Variants in SEMA3A observed in about 807,000 individuals in gnomAD.
The protein encoded by SEMA3A is semaphorin-3A.
Under a neutral mutation model 97.9 loss-of-function variants are expected in SEMA3A, and 29 were observed. That is an observed-to-expected ratio of 0.30 (90% CI 0.22 to 0.40). The LOEUF (loss-of-function observed/expected upper bound fraction) is 0.40. Ranked by LOEUF, SEMA3A falls within the 10% of genes least tolerant of loss-of-function variation. The pLI is 1.00. For synonymous variants in SEMA3A, 321 were observed against 323.7 expected (o/e 0.99, Z 0.09); for missense variants, 763 against 951.3 (o/e 0.80, Z 2.60).
chr7:83,981,528 C>A, intron 13 of SEMA3A, 50 bp from the exon 14 acceptor site: 1 of 1,397,228 alleles, frequency 7.2e-7, no homozygotes, highest in Non-Finnish European at 9.6e-7. Flanking sequence ...TCTTTTAAAT[C>A]TCTTGTTCTC....
At chr7:84,166,097 A>C (rs1797196674) in intron 1 of SEMA3A, among the ~76,000 whole-genome samples, 1 of 151,710 alleles carries the variant, frequency 6.6e-6, no homozygotes, top group African/African-American at 2.4e-5. Context: ...ACATACAGAG[A>C]CACTCTCTCT....
chr7:84,186,361 T>C (rs1797884721), intron 1 of SEMA3A, among the ~76,000 whole-genome samples: 1 of 152,178 alleles, frequency 6.6e-6, no homozygotes, highest in Non-Finnish European at 1.5e-5. Context: ...AGAACGCAAG[T>C]AAGAAATAGT....
intron 2 of SEMA3A, among the ~76,000 whole-genome samples, chr7:84,368,673 T>A: frequency 6.6e-6 from 1 of 150,624 alleles, no homozygotes; most frequent in South Asian, 2.1e-4. Flanking sequence ...TTTCTAACAA[T>A]TATTATTATA....
At chr7:84,370,921 T>C (rs888313696) in intron 2 of SEMA3A, among the ~76,000 whole-genome samples, 1 of 151,354 alleles carries the variant, frequency 6.6e-6, no homozygotes, top group Non-Finnish European at 1.5e-5. Context: ...TTCATTTATT[T>C]GAAATAGATT....
rs1788269674 is a variant in SEMA3A, at chr7:83,955,898, A to G, written c.*5473T>C. On this transcript the variant is annotated 3_prime_UTR_variant, in exon 17 of 17. Coordinates refer to ENST00000265362, the MANE Select transcript of SEMA3A (RefSeq NM_006080.3). ...TGATGACATGAACACATCTATAAAA[A>G]CTTTTGCTTAGGTCCTATATAAATA... The G allele has an allele frequency of 6.6e-6, 1 of 152,136 alleles. No individual in the cohort carries two copies. The highest frequency in any genetic ancestry group is 2.4e-5 in the African/African-American group (1 of 41,432). 9.4% of individuals were successfully genotyped at this position (152,136 alleles called of 1,614,324 possible).
At position 84,288,060 on chromosome 7, in the gene SEMA3A, C is replaced by T. The variant is rs1048486696; in HGVS notation, c.-83+19147G>A. On this transcript the variant is annotated intron_variant, in intron 3 of 3. Transcript: ENST00000424555. Reference sequence around the variant, plus strand: ...CCATGCTTCAGGAAATAGATACTTCCATCTTTATTGCTTAAAAATTTAATG... The same window carrying T: ...CCATGCTTCAGGAAATAGATACTTCTATCTTTATTGCTTAAAAATTTAATG... 3.9e-5 allele frequency among the ~76,000 whole-genome samples: 6 copies of T among 152,020 alleles called. No individual in the cohort carries two copies. In the South Asian group the frequency reaches 1.2e-3, roughly 32 times the overall value.
At chr7:84,432,488 C>T (rs1044895729) in intron 1 of SEMA3A, among the ~76,000 whole-genome samples, 3 of 152,096 alleles carry the variant, frequency 2.0e-5, no homozygotes, top group Non-Finnish European at 4.4e-5. Context: ...GATCCCATCA[C>T]CCAAGTAGTG....
chr7:84,232,256 TTTA>T (rs1429022205), intron 3 of SEMA3A, among the ~76,000 whole-genome samples: 1 of 147,906 alleles, frequency 6.8e-6, no homozygotes, highest in Non-Finnish European at 1.5e-5. Flanking sequence ...TATATGTATA[TTTA>T]TTATATTATA....
chr7:84,010,962 G>A (rs972078641), intron 9 of SEMA3A, 60 bp downstream of exon 9: 32 of 1,279,692 alleles, frequency 2.5e-5, no homozygotes, highest in Non-Finnish European at 3.4e-5. Flanking sequence ...CAAATTATGA[G>A]TACTTGGATA....
At chr7:84,019,079 T>A (rs1393393830) in intron 6 of SEMA3A, among the ~76,000 whole-genome samples, 3 of 152,032 alleles carry the variant, frequency 2.0e-5, no homozygotes, top group Non-Finnish European at 4.4e-5. Context: ...CATGCAGAGA[T>A]CAATTGAAAA....
intron 2 of SEMA3A, among the ~76,000 whole-genome samples, chr7:84,350,864 A>G (rs1802420773): frequency 2.0e-5 from 3 of 152,114 alleles, no homozygotes; most frequent in Admixed American, 2.0e-4. Context: ...TAACCGTTGA[A>G]ACATAGTTAA....
intron 6 of SEMA3A, among the ~76,000 whole-genome samples, chr7:84,032,058 T>G (rs1167400780): frequency 6.6e-6 from 1 of 152,126 alleles, no homozygotes; most frequent in Non-Finnish European, 1.5e-5. Flanking sequence ...ATTTACACAG[T>G]GAAATAAAAA....
intron 3 of SEMA3A, among the ~76,000 whole-genome samples, chr7:84,269,116 G>C (rs1800082481): frequency 6.6e-6 from 1 of 151,906 alleles, no homozygotes; most frequent in Non-Finnish European, 1.5e-5. Context: ...TAAATAGCCT[G>C]AATTTGTTAT....
intron 1 of SEMA3A, among the ~76,000 whole-genome samples, chr7:84,397,557 T>G (rs1337267112): frequency 6.6e-6 from 1 of 150,784 alleles, no homozygotes; most frequent in Non-Finnish European, 1.5e-5. Flanking sequence ...CATAGTATAA[T>G]TTTTTTAACT....
At chr7:84,154,946 T>C (rs937926235) in intron 1 of SEMA3A, among the ~76,000 whole-genome samples, 3 of 152,098 alleles carry the variant, frequency 2.0e-5, no homozygotes, top group Non-Finnish European at 4.4e-5. Flanking sequence ...TGTTATTGGT[T>C]TATTTCGAGG....
intron 3 of SEMA3A, among the ~76,000 whole-genome samples, chr7:84,288,933 A>G (rs993423635): frequency 2.0e-5 from 3 of 152,100 alleles, no homozygotes; most frequent in Non-Finnish European, 4.4e-5. Flanking sequence ...TTGGAGCACT[A>G]TTTGCAATAG....
chr7:84,321,177 T>C (rs1406160369), intron 2 of SEMA3A, among the ~76,000 whole-genome samples: 3 of 152,324 alleles, frequency 2.0e-5, no homozygotes, highest in African/African-American at 7.2e-5. Flanking sequence ...CTAAATCCAG[T>C]TGATAATTCT....
chr7:84,145,882 C>T (rs1360035317), intron 1 of SEMA3A, among the ~76,000 whole-genome samples: 1 of 152,120 alleles, frequency 6.6e-6, no homozygotes, highest in Admixed American at 6.6e-5. Context: ...CCACCTTTAC[C>T]TTAGTACTGT....
chr7:84,466,992 AT>A (rs2116400758), intron 1 of SEMA3A, among the ~76,000 whole-genome samples: 1 of 152,246 alleles, frequency 6.6e-6, no homozygotes, highest in East Asian at 1.9e-4. Flanking sequence ...GTGTTCAGAA[AT>A]TTCCCTCATA....
Sources: allele counts gnomAD v4.1 joint callset (sites outside exome capture counted in the v4.1 genomes callset), GRCh38; gene constraint gnomAD v4.1.1; transcripts MANE v1.5; gene names NCBI Gene and HGNC (gene_info 2026-07-23, HGNC 2026-07-21).